The following ACACA variants were observed in gnomAD, a reference collection of about 807,000 sequenced individuals.
ACACA encodes acetyl-CoA carboxylase alpha, also known as acetyl-CoA carboxylase 1.
In ACACA, 103 loss-of-function variants were observed where a neutral mutation model predicts 296.1. The observed-to-expected ratio is 0.35, with a 90% CI of 0.30 to 0.41. ACACA has a LOEUF of 0.41. Ranked by LOEUF, ACACA falls within the 10% of genes least tolerant of loss-of-function variation. The probability of loss-of-function intolerance (pLI) is 1.00; values close to 1 mark genes in which losing one functional copy is unlikely to be tolerated. For synonymous variants in ACACA, 953 were observed against 1,038.6 expected (o/e 0.92, Z 1.58); for missense variants, 1,554 against 2,989.7 (o/e 0.52, Z 11.20).
At chr17:37,312,087 T>G (rs1250834617) in intron 3 of ACACA, among the ~76,000 whole-genome samples, 1 of 151,086 alleles carries the variant, frequency 6.6e-6, no homozygotes, top group African/African-American at 2.4e-5. Context: ...TTCATCTCAT[T>G]AAAAAGAAAA....
intron 2 of ACACA, among the ~76,000 whole-genome samples, chr17:37,336,156 G>A (rs191525161): frequency 1.1e-4 from 16 of 152,240 alleles, no homozygotes; most frequent in African/African-American, 3.9e-4. Context: ...CCCAGATGCA[G>A]TCCATGAGTA....
chr17:37,255,100 CAA>C (rs199744170), intron 14 of ACACA, among the ~76,000 whole-genome samples: 6 of 120,740 alleles, frequency 5.0e-5, no homozygotes, highest in Non-Finnish European at 3.6e-5. Flanking sequence ...GACTCTGTCT[CAA>C]AAAAAAAAAA....
chr17:37,133,359 T>C (rs1446000635), intron 45 of ACACA, among the ~76,000 whole-genome samples: 1 of 152,158 alleles, frequency 6.6e-6, no homozygotes, highest in Non-Finnish European at 1.5e-5. Flanking sequence ...TAGCTCCTGA[T>C]TTATAGGGGT....
Position 37,277,940 on chromosome 17 carries a change from T to G in ACACA, c.676A>C (p.Asn226His). ...PGGPNNNNYANVELILDIAKR... is the reference protein window; with the variant it reads ...PGGPNNNNYAHVELILDIAKR... ...GCAATATCAAGAATTAATTCCACAT[T>G]TGCATAGTTGTTGTTGTTTGGTCCT... The change falls in exon 6 of 56, where the codon AAT becomes CAT. Residue 226 changes from asparagine (N) to histidine (H), a missense_variant. Transcript: ENST00000616317. 2 of 1,614,068 alleles carry G rather than the reference T, an allele frequency of 1.2e-6. No individual in the cohort carries two copies. Among genetic ancestry groups the G allele is most frequent in the Non-Finnish European group, 1.7e-6 (2 of 1,179,916 alleles).
intron 35 of ACACA, among the ~76,000 whole-genome samples, chr17:37,194,976 T>G (rs1443223529): frequency 6.6e-6 from 1 of 150,930 alleles, no homozygotes; most frequent in East Asian, 1.9e-4. Flanking sequence ...AGGACTGACT[T>G]CAAGGTTAAG....
At chr17:37,168,258 T>C (rs769999395) in intron 41 of ACACA, among the ~76,000 whole-genome samples, 12 of 152,160 alleles carry the variant, frequency 7.9e-5, no homozygotes, top group South Asian at 4.1e-4. Flanking sequence ...ACTTCATCAA[T>C]TGAAAAGCAC....
chr17:37,164,347 C>T (rs1567747837), intron 41 of ACACA, among the ~76,000 whole-genome samples: 3 of 152,176 alleles, frequency 2.0e-5, no homozygotes, highest in African/African-American at 7.2e-5. Context: ...TCCAATTGCA[C>T]ATCCACTGTA....
chr17:37,328,975 T>C, intron 3 of ACACA: 1 of 398,592 alleles, frequency 2.5e-6, no homozygotes, highest in Non-Finnish European at 4.4e-6. Context: ...TCCAGACCTT[T>C]TAATCCAAGA....
intron 39 of ACACA, among the ~76,000 whole-genome samples, chr17:37,185,078 T>C (rs1336070451): frequency 3.3e-5 from 5 of 152,150 alleles, no homozygotes; most frequent in Non-Finnish European, 5.9e-5. Flanking sequence ...TGCTTCTACC[T>C]TTGACTGCAA....
At chr17:37,348,325 T>G (rs1382136547) in intron 1 of ACACA, among the ~76,000 whole-genome samples, 1 of 151,992 alleles carries the variant, frequency 6.6e-6, no homozygotes, top group African/African-American at 2.4e-5. Context: ...ATTGCCAGAT[T>G]AAAAAGGCCC....
At chr17:37,305,920 T>G (rs2146946447) in intron 3 of ACACA, among the ~76,000 whole-genome samples, 1 of 148,048 alleles carries the variant, frequency 6.8e-6, no homozygotes, top group East Asian at 2.0e-4. Flanking sequence ...TTTTTTTTTT[T>G]TTTTTTGAGA....
intron 1 of ACACA, among the ~76,000 whole-genome samples, chr17:37,351,404 A>T (rs2048898001): frequency 6.6e-6 from 1 of 152,234 alleles, no homozygotes; most frequent in South Asian, 2.1e-4. Context: ...CAGAGGTTGC[A>T]GTGAGTCAAG....
At chr17:37,171,071 A>G (rs945328333) in intron 41 of ACACA, among the ~76,000 whole-genome samples, 2 of 152,262 alleles carry the variant, frequency 1.3e-5, no homozygotes, top group African/African-American at 4.8e-5. Flanking sequence ...ACCTTTCCAT[A>G]CAGATTTAAA....
chr17:37,233,821 A>G (rs527252345), intron 25 of ACACA, among the ~76,000 whole-genome samples: 5 of 152,332 alleles, frequency 3.3e-5, no homozygotes, highest in African/African-American at 1.2e-4. Context: ...ACATTGTACT[A>G]ACATATATAT....
At position 37,205,775 on chromosome 17, in the gene ACACA, G is replaced by T; in HGVS notation, c.4046C>A (p.Thr1349Asn). The change falls in exon 33 of 56, where the codon ACC becomes AAC. Residue 1349 changes from threonine to asparagine, a missense_variant. This residue lies in a region of ACACA where 179 missense variants were observed against 283.2 expected (regional missense o/e 0.63). Transcript: ENST00000616317. ...DRLAAMFREF[T>N]QQNKATLVDH... Reference sequence around the variant, plus strand: ...CAATCAAGAACTTACATTTTGCTGGGTAAATTCTCTGAACATAGCTGCCAG... The same window carrying T: ...CAATCAAGAACTTACATTTTGCTGGTTAAATTCTCTGAACATAGCTGCCAG... The T allele has an allele frequency of 6.2e-7, 1 of 1,613,282 alleles. No homozygotes were observed. Among genetic ancestry groups the T allele is most frequent in the Non-Finnish European group, 8.5e-7 (1 of 1,179,596 alleles).
intron 45 of ACACA, chr17:37,141,024 A>T (rs552315316): frequency 1.5e-5 from 6 of 410,850 alleles, no homozygotes; most frequent in South Asian, 1.2e-4. Context: ...TGATGGCCCC[A>T]TGGATGGCAG....
chr17:37,367,295 A>G (rs1450561180), intron 1 of ACACA, among the ~76,000 whole-genome samples: 1 of 152,076 alleles, frequency 6.6e-6, no homozygotes, highest in Non-Finnish European at 1.5e-5. Context: ...GCTTCAATCA[A>G]TGAACAAGAT....
intron 1 of ACACA, among the ~76,000 whole-genome samples, chr17:37,375,033 A>G (rs2049945891): frequency 6.6e-6 from 1 of 151,948 alleles, no homozygotes; most frequent in Non-Finnish European, 1.5e-5. Context: ...TGTCTCTACT[A>G]AAAATATAAA....
chr17:37,162,084 T>C (rs752366345), intron 41 of ACACA, 34 bp from the exon 42 acceptor site: 5 of 1,613,600 alleles, frequency 3.1e-6, no homozygotes, highest in Non-Finnish European at 4.2e-6. Context: ...TGAACAGAAG[T>C]TTCTTACAGG....
Sources: allele counts gnomAD v4.1 joint callset (sites outside exome capture counted in the v4.1 genomes callset), GRCh38; gene constraint gnomAD v4.1.1; regional missense constraint gnomAD v4.1.1; transcripts MANE v1.5; gene names NCBI Gene and HGNC (gene_info 2026-07-23, HGNC 2026-07-21).